The following SPRED1 variants were observed in gnomAD, a reference collection of about 807,000 sequenced individuals.
SPRED1 encodes sprouty-related, EVH1 domain-containing protein 1.
In SPRED1, 18 loss-of-function variants were observed where a neutral mutation model predicts 52.3. The observed-to-expected ratio is 0.34, with a 90% CI of 0.24 to 0.51. The LOEUF (loss-of-function observed/expected upper bound fraction) is 0.51. SPRED1 is among the 20% of genes least tolerant of loss of function. The pLI is 0.97. For missense variants in SPRED1, 485 were observed against 551.0 expected (o/e 0.88, Z 1.20); for synonymous variants, 155 against 179.7 (o/e 0.86, Z 1.10).
At chr15:38,346,705 T>C (rs1312552280) in intron 5 of SPRED1, among the ~76,000 whole-genome samples, 4 of 152,212 alleles carry the variant, frequency 2.6e-5, no homozygotes, top group Non-Finnish European at 4.4e-5. Flanking sequence ...GGCATACTGC[T>C]AGTACAAACT....
At chr15:38,268,034 T>C (rs1049442453) in intron 1 of SPRED1, 2 of 152,210 alleles carry the variant, frequency 1.3e-5, no homozygotes, top group Non-Finnish European at 2.9e-5. Flanking sequence ...CACATAACTC[T>C]GAGTTAGTTT....
intron 1 of SPRED1, among the ~76,000 whole-genome samples, chr15:38,288,003 C>T (rs1048395824): frequency 2.6e-5 from 4 of 152,132 alleles, no homozygotes; most frequent in Non-Finnish European, 4.4e-5. Context: ...TCATGAATCA[C>T]TCTGAGATAT....
chr15:38,263,119 A>G (rs1433584264), intron 1 of SPRED1, among the ~76,000 whole-genome samples: 5 of 152,348 alleles, frequency 3.3e-5, no homozygotes, highest in South Asian at 4.1e-4. Flanking sequence ...AAGAAATTCA[A>G]ATGTCCAACG....
At chr15:38,325,389 C>G (rs1300163720) in intron 4 of SPRED1, among the ~76,000 whole-genome samples, 4 of 151,996 alleles carry the variant, frequency 2.6e-5, no homozygotes, top group African/African-American at 9.7e-5. Flanking sequence ...TGAAACAGTT[C>G]TGGTTCCAAG....
chr15:38,253,300 G>A (rs747287100), intron 1 of SPRED1, 83 bp downstream of exon 1: 160 of 1,391,296 alleles, frequency 1.2e-4, no homozygotes, highest in Middle Eastern at 8.8e-4. Context: ...CGAAACTTGG[G>A]TGCCGGAAAG....
intron 2 of SPRED1, among the ~76,000 whole-genome samples, chr15:38,302,384 T>C (rs1004610973): frequency 6.6e-6 from 1 of 152,084 alleles, no homozygotes; most frequent in Non-Finnish European, 1.5e-5. Context: ...TGTTTTATTT[T>C]TATTTTTTTA....
rs147701249 is a variant in SPRED1 at position 38,257,247 on chromosome 15, A to G, written c.32+4030A>G. On this transcript the variant is annotated intron_variant, in intron 1 of 6. Transcript: ENST00000299084. ...ATATTGTGATTATTTACTTATTTCT[A>G]TGACCGCTATTCTGTAATTCCCTAC... Among the ~76,000 whole-genome samples, 22 of 152,230 alleles carry G rather than the reference A, an allele frequency of 1.4e-4. No homozygotes were observed. In the East Asian group the frequency reaches 4.1e-3, roughly 28 times the overall value.
rs535687467 is a variant in SPRED1, at chr15:38,351,208, G to C, written c.879G>C (p.Leu293=). The C allele has an allele frequency of 2.5e-6, 4 of 1,614,102 alleles. No homozygotes were observed. Among genetic ancestry groups the C allele is most frequent in the South Asian group, 1.1e-5 (1 of 91,084 alleles). The change falls in exon 7 of 7, where the codon CTG becomes CTC. Residue 293 remains leucine (L), a synonymous_variant. Coordinates refer to ENST00000299084, the MANE Select transcript of SPRED1 (RefSeq NM_152594.3). ...SKPDSKKSDY[L]YSCGDETKLS... ...CAGACAGTAAAAAATCAGACTATCT[G>C]TACTCTTGTGGGGATGAGACTAAGT...
intron 1 of SPRED1, among the ~76,000 whole-genome samples, chr15:38,256,978 G>A (rs576162471): frequency 1.3e-5 from 2 of 152,164 alleles, no homozygotes; most frequent in South Asian, 4.1e-4. Flanking sequence ...GTAAAAATCA[G>A]CTAAATGACT....
At chr15:38,347,765 A>C (rs544228367) in intron 5 of SPRED1, among the ~76,000 whole-genome samples, 1 of 152,126 alleles carries the variant, frequency 6.6e-6, no homozygotes, top group East Asian at 1.9e-4. Context: ...ATCCTTTTAA[A>C]ATTTTAATTG....
intron 1 of SPRED1, among the ~76,000 whole-genome samples, chr15:38,278,829 T>TTTTTTTG (rs1817256518): frequency 1.0e-4 from 1 of 9,918 alleles, no homozygotes; most frequent in South Asian, 6.3e-3. Flanking sequence ...AACTACACTG[T>TTTTTTTG]TTTTTTTTTT....
chr15:38,287,396 A>G (rs1894833020), intron 1 of SPRED1, among the ~76,000 whole-genome samples: 1 of 152,114 alleles, frequency 6.6e-6, no homozygotes, highest in African/African-American at 2.4e-5. Context: ...CTTTAAACAT[A>G]CATCTCTTTC....
chr15:38,317,486 T>C (rs4923786), intron 2 of SPRED1, among the ~76,000 whole-genome samples: 118,346 of 151,790 alleles, frequency 0.78, 47,425 homozygotes, highest in Non-Finnish European at 0.87. Flanking sequence ...ATTGCTATTT[T>C]CTACAGTTTG....
At chr15:38,302,834 C>G (rs1019809931) in intron 2 of SPRED1, among the ~76,000 whole-genome samples, 1 of 152,088 alleles carries the variant, frequency 6.6e-6, no homozygotes, top group Admixed American at 6.5e-5. Context: ...CTTTGAGACA[C>G]TTGGGGATGG....
chr15:38,328,446 T>C (rs1188055542), intron 4 of SPRED1, among the ~76,000 whole-genome samples: 1 of 152,198 alleles, frequency 6.6e-6, no homozygotes, highest in Non-Finnish European at 1.5e-5. Context: ...TCAATTATCA[T>C]AAGTCAACAA....
chr15:38,283,806 T>C (rs2140966785), intron 1 of SPRED1, among the ~76,000 whole-genome samples: 1 of 152,274 alleles, frequency 6.6e-6, no homozygotes, highest in African/African-American at 2.4e-5. Context: ...TCTAGGGTTA[T>C]GTCAGAATTA....
chr15:38,355,802 T>G lies in SPRED1; in HGVS notation c.*4138T>G, dbSNP rs1265414006. The G allele has an allele frequency of 6.6e-6, 1 of 152,072 alleles. No homozygotes were observed. The allele number at this position is 152,072 out of a possible 1,614,324, so 9.4% of individuals were successfully genotyped here. A position where few individuals can be genotyped will look rare whatever the true frequency, so the allele number is the denominator to read the frequency against. ...AAGAGGAAGCACTAGAAACTGGCATTATTGTTGCACTAAAAAAGTCTATAA... is the reference window on the plus strand; with the variant it reads ...AAGAGGAAGCACTAGAAACTGGCATGATTGTTGCACTAAAAAAGTCTATAA... On this transcript the variant is annotated 3_prime_UTR_variant, in exon 7 of 7. Transcript: ENST00000299084.
At chr15:38,286,939 G>T (rs1359822609) in intron 1 of SPRED1, among the ~76,000 whole-genome samples, 1 of 151,926 alleles carries the variant, frequency 6.6e-6, no homozygotes, top group Non-Finnish European at 1.5e-5. Flanking sequence ...TATTCATACT[G>T]CACATTATTA....
chr15:38,280,268 G>A lies in SPRED1; in HGVS notation c.33-19105G>A, dbSNP rs145178964. 2.5e-3 allele frequency among the ~76,000 whole-genome samples: 374 copies of A among 152,276 alleles called. 4 individuals carry two copies. The highest frequency in any genetic ancestry group is 0.021 in the South Asian group (101 of 4,824). ...TTTGCCTCCTTAAAGGAACACAATAGTATAATAATGTTTTTTGTCAGAATC... is the reference window on the plus strand; with the variant it reads ...TTTGCCTCCTTAAAGGAACACAATAATATAATAATGTTTTTTGTCAGAATC... On this transcript the variant is annotated intron_variant, in intron 1 of 6. Transcript: ENST00000299084.
Sources: gnomAD v4.1 joint callset for allele counts (sites outside exome capture counted in the v4.1 genomes callset) on GRCh38, gnomAD v4.1.1 for gene constraint, MANE v1.5 for transcripts, NCBI Gene and HGNC (gene_info 2026-07-23, HGNC 2026-07-21) for gene names.